The following COP1 variants were observed in gnomAD, a reference collection of about 807,000 sequenced individuals.
COP1 encodes the protein COP1 E3 ubiquitin ligase, also known as E3 ubiquitin-protein ligase COP1.
In COP1, 24 loss-of-function variants were observed where a neutral mutation model predicts 101.3. The ratio of observed to expected loss-of-function variants is 0.24; its 90% CI spans 0.17 to 0.33. COP1 has a LOEUF of 0.33. COP1 is among the 10% of genes least tolerant of loss of function. The pLI is 1.00. For synonymous variants in COP1, 347 were observed against 341.9 expected, an observed-to-expected ratio of 1.01 and a Z score of -0.17; for missense variants, 663 against 906.2, an observed-to-expected ratio of 0.73 and a Z score of 3.45.
At chr1:175,969,260 A>T (rs1652763026) in intron 18 of COP1, among the ~76,000 whole-genome samples, 1 of 152,234 alleles carries the variant, frequency 6.6e-6, no homozygotes, top group African/African-American at 2.4e-5. Flanking sequence ...AGGAAAACAC[A>T]GTAGAGCATT....
intron 16 of COP1, chr1:175,989,125 T>C: frequency 3.0e-6 from 1 of 332,236 alleles, no homozygotes; most frequent in Non-Finnish European, 5.5e-6. Flanking sequence ...GGGGGGAGGG[T>C]ATATAAAAAA....
intron 3 of COP1, among the ~76,000 whole-genome samples, chr1:176,169,795 C>A (rs992330090): frequency 6.6e-6 from 1 of 152,182 alleles, no homozygotes; most frequent in Non-Finnish European, 1.5e-5. Context: ...ACTGCTGCAT[C>A]AACTGATTCT....
chr1:175,983,113 T>C (rs911633300), intron 18 of COP1, among the ~76,000 whole-genome samples: 1 of 149,628 alleles, frequency 6.7e-6, no homozygotes, highest in Non-Finnish European at 1.5e-5. Context: ...TGTACATGTA[T>C]ATGAAAATAC....
chr1:176,034,785 A>G lies in COP1; in HGVS notation c.1613-7097T>C, dbSNP rs192606959. Reference sequence around the variant, plus strand: ...GAAAAGATGACCCAAGTCCTAAACTAAGCTCTAACTGGCATGGGCATTAGG... The same window carrying G: ...GAAAAGATGACCCAAGTCCTAAACTGAGCTCTAACTGGCATGGGCATTAGG... On this transcript the variant is annotated intron_variant, in intron 14 of 19. Coordinates refer to ENST00000367669, the MANE Select transcript of COP1 (RefSeq NM_022457.7). 3.1e-3 allele frequency among the ~76,000 whole-genome samples: 466 copies of G among 152,332 alleles called. 6 individuals carry two copies. The highest frequency in any genetic ancestry group is 0.028 in the Admixed American group (435 of 15,302).
At chr1:175,947,026 C>T (rs902251562) in intron 19 of COP1, among the ~76,000 whole-genome samples, 169 bp downstream of exon 19, 3 of 152,214 alleles carry the variant, frequency 2.0e-5, no homozygotes, top group Non-Finnish European at 4.4e-5. Flanking sequence ...ATCTTCTCCA[C>T]AGATGCAAGC....
intron 19 of COP1, among the ~76,000 whole-genome samples, chr1:175,946,528 C>T (rs565453555): frequency 4.6e-5 from 7 of 152,286 alleles, no homozygotes; most frequent in African/African-American, 1.4e-4. Flanking sequence ...CTCAGAAACA[C>T]GTACTCCACC....
At chr1:176,174,000 A>AAAAAAAC (rs1696544615) in intron 3 of COP1, among the ~76,000 whole-genome samples, 1 of 149,772 alleles carries the variant, frequency 6.7e-6, no homozygotes, top group Non-Finnish European at 1.5e-5. Context: ...AAAAAAAAAA[A>AAAAAAAC]AAAAAAAAGA....
intron 9 of COP1, among the ~76,000 whole-genome samples, chr1:176,096,640 C>G (rs1456011507): frequency 6.6e-6 from 1 of 152,146 alleles, no homozygotes; most frequent in South Asian, 2.1e-4. Context: ...TTTTCTCTAC[C>G]TATTAGCAGT....
rs538135266 is a variant in COP1 at position 175,997,526 on chromosome 1, T to G, written c.1730-8047A>C. Among the ~76,000 whole-genome samples, 291 of 152,110 alleles carry G rather than the reference T, an allele frequency of 1.9e-3. 3 individuals are homozygous for G. Among genetic ancestry groups the G allele is most frequent in the African/African-American group, 6.8e-3 (280 of 41,474 alleles). On this transcript the variant is annotated intron_variant, in intron 15 of 19. Coordinates refer to ENST00000367669, the MANE Select transcript of COP1 (RefSeq NM_022457.7). ...TGACAAAGGGCTAATATCCAGAATC[T>G]ACAATGAACTCAAACAAATTTACAA...
intron 14 of COP1, among the ~76,000 whole-genome samples, chr1:176,036,177 A>C (rs1439664906): frequency 6.6e-6 from 1 of 152,082 alleles, no homozygotes; most frequent in African/African-American, 2.4e-5. Context: ...CTTAATGGGA[A>C]ATGTATATAA....
chr1:176,185,270 A>G (rs1424865018), intron 1 of COP1, among the ~76,000 whole-genome samples: 1 of 152,200 alleles, frequency 6.6e-6, no homozygotes, highest in Non-Finnish European at 1.5e-5. Flanking sequence ...AATAGGTACC[A>G]ACTACTAGGC....
intron 18 of COP1, among the ~76,000 whole-genome samples, chr1:175,967,083 C>A (rs910543921): frequency 6.6e-6 from 1 of 152,182 alleles, no homozygotes; most frequent in African/African-American, 2.4e-5. Flanking sequence ...ATGAACAGAA[C>A]AGTGGATTTC....
intron 15 of COP1, among the ~76,000 whole-genome samples, chr1:176,000,870 A>G (rs1193863488): frequency 6.6e-6 from 1 of 152,028 alleles, no homozygotes; most frequent in East Asian, 1.9e-4. Context: ...TGGGGATTAT[A>G]ATTGGCATGT....
intron 14 of COP1, among the ~76,000 whole-genome samples, chr1:176,036,776 T>G (rs1008238050): frequency 6.6e-6 from 1 of 152,232 alleles, no homozygotes; most frequent in Non-Finnish European, 1.5e-5. Flanking sequence ...TGTAGGCCAA[T>G]GTAAATATTC....
intron 11 of COP1, among the ~76,000 whole-genome samples, chr1:176,066,487 TGTAAAAAGC>T (rs1675996023): frequency 6.6e-6 from 1 of 152,114 alleles, no homozygotes; most frequent in Non-Finnish European, 1.5e-5. Flanking sequence ...TTATCCTAAT[TGTAAAAAGC>T]GTAAAAAAGA....
At chr1:176,026,953 G>A (rs1667769499) in intron 15 of COP1, among the ~76,000 whole-genome samples, 1 of 152,024 alleles carries the variant, frequency 6.6e-6, no homozygotes, top group Admixed American at 6.6e-5. Flanking sequence ...GAATGAAAGA[G>A]GGCACTAATA....
intron 18 of COP1, among the ~76,000 whole-genome samples, chr1:175,974,032 G>A (rs966164843): frequency 1.3e-5 from 2 of 152,186 alleles, no homozygotes; most frequent in African/African-American, 4.8e-5. Context: ...AAAGAAGGTT[G>A]TTAGATGTCA....
At chr1:175,948,680 T>C (rs1649477605) in intron 18 of COP1, among the ~76,000 whole-genome samples, 1 of 152,198 alleles carries the variant, frequency 6.6e-6, no homozygotes, top group Admixed American at 6.5e-5. Flanking sequence ...TTGTTACTAA[T>C]GGCATACAAG....
intron 15 of COP1, among the ~76,000 whole-genome samples, chr1:176,012,260 G>C (rs1451963604): frequency 6.6e-6 from 1 of 152,176 alleles, no homozygotes; most frequent in Non-Finnish European, 1.5e-5. Context: ...CAGCCTTCCA[G>C]GCAGCTGGGA....
Sources: allele counts gnomAD v4.1 joint callset (sites outside exome capture counted in the v4.1 genomes callset), GRCh38; gene constraint gnomAD v4.1.1; transcripts MANE v1.5; gene names NCBI Gene and HGNC (gene_info 2026-07-23, HGNC 2026-07-21).